The following LGR4 variants were observed in gnomAD, a reference collection of about 807,000 sequenced individuals.
The protein encoded by LGR4 is leucine-rich repeat-containing G protein-coupled receptor 4.
A neutral mutation model predicts 84.8 loss-of-function variants in LGR4; 44 were observed. The ratio of observed to expected loss-of-function variants is 0.52; its 90% confidence interval spans 0.41 to 0.67. The LOEUF (loss-of-function observed/expected upper bound fraction) is 0.67. Ranked by LOEUF, LGR4 falls within the 30% of genes least tolerant of loss-of-function variation. The pLI is 0.00. For missense variants in LGR4, 1,032 were observed against 1,131.4 expected, an observed-to-expected ratio of 0.91 and a Z score of 1.26; for synonymous variants, 429 against 434.3, an observed-to-expected ratio of 0.99 and a Z score of 0.15.
Position 27,472,270 on chromosome 11 carries a change from G to T in LGR4, c.33C>A (p.Leu11=). Reference sequence around the variant, plus strand: ...CGGCCGAGCCGAGCAGCCCCAGGGCGAGGAAGCAGAGCAGCCCTAGCGGGC... The same window carrying T: ...CGGCCGAGCCGAGCAGCCCCAGGGCTAGGAAGCAGAGCAGCCCTAGCGGGC... The part of the protein sequence containing the change: MPGPLGLLCF[L]ALGLLGSAGP... Residue 11 remains leucine, a synonymous_variant, in exon 1 of 18, where the codon CTC becomes CTA. Coordinates refer to ENST00000379214, the MANE Select transcript of LGR4 (RefSeq NM_018490.5). The T allele has an allele frequency of 7.9e-7, 1 of 1,266,888 alleles. No individual in the cohort carries two copies. The highest frequency in any genetic ancestry group is 9.9e-7 in the Non-Finnish European group (1 of 1,011,684). The allele number at this position is 1,266,888 out of a possible 1,614,324, so 78.5% of individuals were successfully genotyped here. A position where few individuals can be genotyped will look rare whatever the true frequency, so the allele number is the denominator to read the frequency against.
chr11:27,411,075 GGC>G (rs2133396662), intron 2 of LGR4, among the ~76,000 whole-genome samples: 1 of 152,176 alleles, frequency 6.6e-6, no homozygotes, highest in South Asian at 2.1e-4. Context: ...TGCACACAGT[GGC>G]CCCACCCAGA....
intron 1 of LGR4, among the ~76,000 whole-genome samples, chr11:27,439,718 A>T (rs1224559931): frequency 1.3e-5 from 2 of 152,086 alleles, no homozygotes; most frequent in Non-Finnish European, 2.9e-5. Context: ...CAATGCTCTC[A>T]ATAGCAGAAG....
intron 2 of LGR4, among the ~76,000 whole-genome samples, chr11:27,393,003 G>A (rs902133718): frequency 6.6e-6 from 1 of 152,176 alleles, no homozygotes; most frequent in Non-Finnish European, 1.5e-5. Context: ...GAGGCAAAAA[G>A]TGTGAGTCAT....
chr11:27,433,641 C>T (rs756827935), intron 1 of LGR4, among the ~76,000 whole-genome samples: 3 of 152,110 alleles, frequency 2.0e-5, no homozygotes, highest in Non-Finnish European at 2.9e-5. Context: ...ATGTAAGCGG[C>T]TGGAATTTTT....
rs753553755 is a variant in LGR4, at chr11:27,368,824, T to A, written c.1899A>T (p.Ile633=). The change falls in exon 18 of 18, where the codon ATA becomes ATT. Residue 633 remains isoleucine (I), a synonymous_variant. Coordinates refer to ENST00000379214, the MANE Select transcript of LGR4 (RefSeq NM_018490.5). ...FLAVFSSESA[I]FLLMLATVER... is the part of the protein sequence containing the mutation. ...CGACAGTTGCTAGCATTAATAAAAA[T>A]ATGGCACTTTCTGAGGAGAAAACTG... 20 of 1,614,048 alleles carry A rather than the reference T, an allele frequency of 1.2e-5. No homozygotes were observed. The highest frequency in any genetic ancestry group is 1.6e-5 in the Non-Finnish European group (19 of 1,180,032).
chr11:27,390,273 A>G (rs2133377156), intron 4 of LGR4, among the ~76,000 whole-genome samples: 1 of 152,298 alleles, frequency 6.6e-6, no homozygotes, highest in South Asian at 2.1e-4. Context: ...TTCAAAGTAT[A>G]ATACAAAACC....
chr11:27,456,119 C>A (rs1864571514), intron 1 of LGR4, among the ~76,000 whole-genome samples: 1 of 152,136 alleles, frequency 6.6e-6, no homozygotes, highest in African/African-American at 2.4e-5. Context: ...GGGAAGAAGA[C>A]AACCTTTAGA....
At chr11:27,389,480 C>T (rs184912251) in intron 4 of LGR4, among the ~76,000 whole-genome samples, 1 of 152,136 alleles carries the variant, frequency 6.6e-6, no homozygotes, top group Admixed American at 6.6e-5. Flanking sequence ...ATCTACATTA[C>T]CAATAAATGT....
At chr11:27,446,555 G>A (rs1159130298) in intron 1 of LGR4, among the ~76,000 whole-genome samples, 1 of 152,158 alleles carries the variant, frequency 6.6e-6, no homozygotes, top group Non-Finnish European at 1.5e-5. Flanking sequence ...GAGAGGATGT[G>A]GAGAAATAGG....
intron 14 of LGR4, 47 bp downstream of exon 14, chr11:27,373,928 G>A: frequency 2.4e-6 from 3 of 1,270,474 alleles, no homozygotes; most frequent in Non-Finnish European, 3.5e-6. Flanking sequence ...TGTTTCTATA[G>A]CACTAGTTAC....
chr11:27,438,768 C>T (rs917766197), intron 1 of LGR4, among the ~76,000 whole-genome samples: 2 of 152,060 alleles, frequency 1.3e-5, no homozygotes, highest in Non-Finnish European at 2.9e-5. Flanking sequence ...GACTCATGCT[C>T]GAACTAGAAC....
intron 1 of LGR4, among the ~76,000 whole-genome samples, chr11:27,413,343 T>C (rs1302133930): frequency 6.6e-6 from 1 of 152,082 alleles, no homozygotes; most frequent in Non-Finnish European, 1.5e-5. Context: ...CAGGTAACAG[T>C]TGTCAGTGGA....
At chr11:27,403,820 A>G (rs575981704) in intron 2 of LGR4, among the ~76,000 whole-genome samples, 5 of 152,222 alleles carry the variant, frequency 3.3e-5, no homozygotes, top group Non-Finnish European at 7.3e-5. Flanking sequence ...TCCAGTTTAT[A>G]TTAAGCATTT....
intron 1 of LGR4, among the ~76,000 whole-genome samples, chr11:27,439,901 C>CT (rs1164372130): frequency 0.015 from 1,497 of 100,602 alleles, 13 homozygotes; most frequent in East Asian, 0.02. Flanking sequence ...TAGGATTTCT[C>CT]TTTTTTTTTT....
chr11:27,397,975 G>C (rs1028600877), intron 2 of LGR4, among the ~76,000 whole-genome samples: 5 of 152,234 alleles, frequency 3.3e-5, no homozygotes, highest in Non-Finnish European at 7.3e-5. Context: ...TTTCCCACTG[G>C]ATTTGGAACC....
chr11:27,400,092 A>C (rs1391708496), intron 2 of LGR4, among the ~76,000 whole-genome samples: 1 of 152,210 alleles, frequency 6.6e-6, no homozygotes, highest in Non-Finnish European at 1.5e-5. Context: ...AATGCTCCAA[A>C]ATTTGAAGCT....
intron 11 of LGR4, among the ~76,000 whole-genome samples, chr11:27,378,065 A>T (rs901726518): frequency 1.3e-5 from 2 of 152,160 alleles, no homozygotes; most frequent in Admixed American, 6.5e-5. Flanking sequence ...AGGTTTGTGT[A>T]AGCATACTCT....
rs371513249 is a variant in LGR4, at chr11:27,440,204, C to G, written c.186-27344G>C. Among the ~76,000 whole-genome samples the G allele has an allele frequency of 4.4e-4, 67 of 152,278 alleles. 1 individual carries two copies. Among genetic ancestry groups the G allele is most frequent in the African/African-American group, 1.6e-3 (65 of 41,552 alleles). On this transcript the variant is annotated intron_variant, in intron 1 of 17. Coordinates refer to ENST00000379214, the MANE Select transcript of LGR4 (RefSeq NM_018490.5). Reference sequence around the variant, plus strand: ...TACAGGCGTGAGCCACTGCACCCAGCCTTGAGGTAGGATTTCTACAATGCA... The same window carrying G: ...TACAGGCGTGAGCCACTGCACCCAGGCTTGAGGTAGGATTTCTACAATGCA...
At chr11:27,418,445 TACAA>T (rs1416777713) in intron 1 of LGR4, among the ~76,000 whole-genome samples, 1 of 152,306 alleles carries the variant, frequency 6.6e-6, no homozygotes, top group East Asian at 1.9e-4. Flanking sequence ...CCATTTCTAC[TACAA>T]ACAGTTTTGA....
Sources: allele counts gnomAD v4.1 joint callset (sites outside exome capture counted in the v4.1 genomes callset), GRCh38; gene constraint gnomAD v4.1.1; transcripts MANE v1.5; gene names NCBI Gene and HGNC (gene_info 2026-07-23, HGNC 2026-07-21).